ACER3: variants seen among roughly 807,000 people sequenced by gnomAD.
ACER3 encodes alkaline ceramidase 3.
ACER3 carries 16 observed loss-of-function variants against 48.9 expected under a neutral mutation model. The ratio of observed to expected loss-of-function variants is 0.33; its 90% CI spans 0.22 to 0.50. ACER3 has a LOEUF of 0.50. Ranked by LOEUF, ACER3 falls within the 20% of genes least tolerant of loss-of-function variation. ACER3 has a pLI of 0.98. For missense variants in ACER3, 227 were observed against 326.0 expected (o/e 0.70, Z 2.34); for synonymous variants, 109 against 107.8 (o/e 1.01, Z -0.07).
intron 1 of ACER3, among the ~76,000 whole-genome samples, chr11:76,875,920 G>A (rs149639513): frequency 1.3e-5 from 2 of 151,590 alleles, no homozygotes; most frequent in Admixed American, 6.6e-5. Flanking sequence ...ATTATTAGTA[G>A]AGACAGGGGA....
At chr11:76,965,097 A>G (rs1466788492) in intron 3 of ACER3, among the ~76,000 whole-genome samples, 3 of 151,338 alleles carry the variant, frequency 2.0e-5, no homozygotes, top group East Asian at 1.9e-4. Flanking sequence ...AGAATAACCA[A>G]TGCAGAGAGG....
intron 3 of ACER3, among the ~76,000 whole-genome samples, chr11:76,963,189 C>G (rs1184660726): frequency 2.0e-5 from 3 of 151,256 alleles, no homozygotes; most frequent in Admixed American, 6.6e-5. Context: ...ACACAGTGGG[C>G]CCCATGGAAA....
rs545522276 is a variant in ACER3, at chr11:76,967,559, C to T, written c.267+8528C>T. Among the ~76,000 whole-genome samples, 35 of 152,224 alleles carry T rather than the reference C, an allele frequency of 2.3e-4. No homozygotes were observed. In the South Asian group the frequency reaches 6.6e-3, roughly 29 times the overall value. On this transcript the variant is annotated intron_variant, in intron 3 of 10. Transcript: ENST00000532485. The stretch of plus-strand genomic sequence containing the variant: ...AATCCTCAATAAAATACTGGCAAAC[C>T]GAATCCAGCAGCACATCAAAAAACT...
chr11:76,980,400 G>C (rs1055002414), intron 4 of ACER3, among the ~76,000 whole-genome samples: 1 of 152,200 alleles, frequency 6.6e-6, no homozygotes, highest in South Asian at 2.1e-4. Flanking sequence ...CTAGGAGCTG[G>C]GCATAGTTGC....
intron 2 of ACER3, among the ~76,000 whole-genome samples, chr11:76,939,305 A>G (rs1400573911): frequency 6.6e-6 from 1 of 152,238 alleles, no homozygotes; most frequent in Non-Finnish European, 1.5e-5. Context: ...CATTATTTAC[A>G]AAGGGAAGAA....
intron 1 of ACER3, among the ~76,000 whole-genome samples, chr11:76,866,740 G>A (rs975776975): frequency 6.6e-6 from 1 of 152,200 alleles, no homozygotes; most frequent in Non-Finnish European, 1.5e-5. Context: ...GAGTCTTGGA[G>A]AAGTTAGTTA....
intron 2 of ACER3, among the ~76,000 whole-genome samples, chr11:76,933,545 T>C (rs1565185403): frequency 6.6e-6 from 1 of 151,884 alleles, no homozygotes; most frequent in Non-Finnish European, 1.5e-5. Context: ...CCGTCCTTAA[T>C]CCATTTAACC....
chr11:77,020,355 A>C lies in ACER3; in HGVS notation c.*28A>C. 2 of 1,609,734 alleles carry C rather than the reference A, an allele frequency of 1.2e-6. No homozygotes were observed. Among genetic ancestry groups the C allele is most frequent in the Non-Finnish European group, 1.7e-6 (2 of 1,177,382 alleles). On this transcript the variant is annotated 3_prime_UTR_variant, in exon 11 of 11. Coordinates refer to ENST00000532485, the MANE Select transcript of ACER3 (RefSeq NM_018367.7). The stretch of plus-strand genomic sequence containing the variant: ...AATCATTCCACCAAGAAAACAAACA[A>C]GCACCTACCATAGACCTGGCAGAAT...
At chr11:76,949,931 T>G (rs1345766188) in intron 2 of ACER3, among the ~76,000 whole-genome samples, 1 of 152,164 alleles carries the variant, frequency 6.6e-6, no homozygotes, top group Non-Finnish European at 1.5e-5. Flanking sequence ...ACCCAACAGT[T>G]TAGCTATATC....
At chr11:76,864,984 T>C (rs539619324) in intron 1 of ACER3, among the ~76,000 whole-genome samples, 9 of 151,034 alleles carry the variant, frequency 6.0e-5, no homozygotes, top group South Asian at 2.1e-4. Context: ...GGTTTTTGGA[T>C]TTTTCTTGAG....
intron 2 of ACER3, among the ~76,000 whole-genome samples, chr11:76,939,886 G>A (rs548057824): frequency 6.6e-6 from 1 of 152,218 alleles, no homozygotes; most frequent in African/African-American, 2.4e-5. Context: ...TTCTGGGTTG[G>A]GGCATGAGGG....
At chr11:76,998,610 A>T in intron 6 of ACER3, 153 bp from the exon 7 acceptor site, 1 of 571,340 alleles carries the variant, frequency 1.8e-6, no homozygotes, top group Non-Finnish European at 3.0e-6. Flanking sequence ...TGATTTAGTG[A>T]TTTAACACAT....
Position 77,015,061 on chromosome 11 carries a change from A to C in ACER3, c.543A>C (p.Ile181=), listed in dbSNP as rs1555023008. ...GACTGGGTTATACATCATTGGGTATATTTTTATTGGGATTTTTATTTTGGA... is the reference window on the plus strand; with the variant it reads ...GACTGGGTTATACATCATTGGGTATCTTTTTATTGGGATTTTTATTTTGGA... ...LRGLGYTSLG[I]FLLGFLFWNI... Residue 181 remains isoleucine (I), a synonymous_variant, in exon 8 of 11, where the codon ATA becomes ATC. Coordinates refer to ENST00000532485, the MANE Select transcript of ACER3 (RefSeq NM_018367.7). 6.2e-6 allele frequency: 10 copies of C among 1,601,166 alleles called. No homozygotes were observed. The highest frequency in any genetic ancestry group is 3.3e-5 in the Admixed American group (2 of 59,936).
intron 1 of ACER3, among the ~76,000 whole-genome samples, chr11:76,915,334 C>T (rs1946497589): frequency 6.6e-6 from 1 of 152,004 alleles, no homozygotes; most frequent in Non-Finnish European, 1.5e-5. Flanking sequence ...TTTCTCATGC[C>T]CCGTGCTTTC....
At chr11:76,917,538 A>T (rs1334769556) in intron 1 of ACER3, among the ~76,000 whole-genome samples, 1 of 151,350 alleles carries the variant, frequency 6.6e-6, no homozygotes, top group Admixed American at 6.6e-5. Context: ...ACATAAGAAG[A>T]CCTCGTCAGT....
intron 6 of ACER3, among the ~76,000 whole-genome samples, chr11:76,996,697 G>C (rs1462734603): frequency 6.9e-6 from 1 of 145,168 alleles, no homozygotes; most frequent in Non-Finnish European, 1.5e-5. Flanking sequence ...TGGGATTACA[G>C]GCATGAGCCA....
chr11:77,006,124 G>T (rs1419341790), intron 7 of ACER3, among the ~76,000 whole-genome samples: 3 of 150,556 alleles, frequency 2.0e-5, no homozygotes, highest in East Asian at 4.0e-4. Context: ...CAAGTAGCTG[G>T]GATTACAGGC....
chr11:77,026,309 G>A lies in ACER3; in HGVS notation c.*5982G>A, dbSNP rs1054813563. On this transcript the variant is annotated 3_prime_UTR_variant, in exon 11 of 11. Transcript: ENST00000532485. The stretch of plus-strand genomic sequence containing the variant: ...GGAAAAGTTCAAAGTCCTTTCCACA[G>A]TTAGTCTTCGCTTCTTTTGGATTTT... The A allele has an allele frequency of 6.6e-6, 1 of 152,078 alleles. No individual in the cohort carries two copies. Among genetic ancestry groups the A allele is most frequent in the African/African-American group, 2.4e-5 (1 of 41,382 alleles). 9.4% of individuals were successfully genotyped at this position (152,078 alleles called of 1,614,324 possible). A position where few individuals can be genotyped will look rare whatever the true frequency, so the allele number is the denominator to read the frequency against.
chr11:76,992,441 C>T (rs1199839068), intron 6 of ACER3, among the ~76,000 whole-genome samples: 6 of 152,066 alleles, frequency 3.9e-5, no homozygotes, highest in Admixed American at 2.6e-4. Context: ...GTAACTACCC[C>T]GGTGCAATAT....
Sources: gnomAD v4.1 joint callset for allele counts (sites outside exome capture counted in the v4.1 genomes callset) on GRCh38, gnomAD v4.1.1 for gene constraint, MANE v1.5 for transcripts, NCBI Gene and HGNC (gene_info 2026-07-23, HGNC 2026-07-21) for gene names.